Variants in LMBR1L observed in about 807,000 individuals in gnomAD.
LMBR1L encodes protein LMBR1L.
LMBR1L carries 47 observed loss-of-function variants against 67.3 expected under a neutral mutation model. The ratio of observed to expected loss-of-function variants is 0.70; its 90% CI spans 0.55 to 0.89. LMBR1L has a LOEUF of 0.89. Ranked by LOEUF, LMBR1L falls within the 40% of genes least tolerant of loss-of-function variation. The pLI is 0.00. For missense variants in LMBR1L, 533 were observed against 599.2 expected (o/e 0.89, Z 1.15); for synonymous variants, 247 against 250.3 (o/e 0.99, Z 0.13).
rs1196038462 is a variant in LMBR1L, at chr12:49,110,229, TGGGA to T, written c.72+251_72+254del. The T allele has an allele frequency of 1.1e-4, 25 of 236,642 alleles. 1 individual carries two copies. Among genetic ancestry groups the T allele is most frequent in the South Asian group, 7.1e-4 (5 of 7,046 alleles). 14.7% of individuals were successfully genotyped at this position (236,642 alleles called of 1,614,324 possible). Reference sequence around the variant, plus strand: ...ACAGGAAGACGCGCTGGGTGAGGGGTGGGAGGGAGGGGCAGGGGAGGGGCGTGTG... The same window carrying T: ...ACAGGAAGACGCGCTGGGTGAGGGGTGGGAGGGGCAGGGGAGGGGCGTGTG... On this transcript the variant is annotated intron_variant, in intron 1 of 16. Transcript: ENST00000267102.
At chr12:49,108,530 C>A (rs1312069703) in intron 1 of LMBR1L, among the ~76,000 whole-genome samples, 2 of 145,888 alleles carry the variant, frequency 1.4e-5, no homozygotes, top group Non-Finnish European at 3.0e-5. Flanking sequence ...CCACTGCACT[C>A]CAGCTCTGGC....
At position 49,097,952 on chromosome 12, in the gene LMBR1L, C is replaced by G. The variant is rs548468724; in HGVS notation, c.1394G>C (p.Arg465Pro). 6.2e-7 allele frequency: 1 copy of G among 1,611,648 alleles called. No individual in the cohort carries two copies. The highest frequency in any genetic ancestry group is 8.5e-7 in the Non-Finnish European group (1 of 1,178,040). The change falls in exon 16 of 17, where the codon CGG (arginine) becomes CCG (proline). Residue 465 changes from arginine to proline, a missense_variant. This residue lies in a region of LMBR1L where 223 missense variants were observed against 241.2 expected (regional missense o/e 0.92). Transcript: ENST00000267102. Reference sequence around the variant, plus strand: ...CCCTCACTCCCTCTCACCAAAGGCCCGGATCAGCTCTGCCCGCACAGCTGC... The same window carrying G: ...CCCTCACTCCCTCTCACCAAAGGCCGGGATCAGCTCTGCCCGCACAGCTGC... ...FTAAVRAELI[R>P]AFGLDRLPLP...
intron 3 of LMBR1L, 97 bp downstream of exon 3, chr12:49,105,827 T>C: frequency 1.0e-6 from 1 of 976,990 alleles, no homozygotes; most frequent in Middle Eastern, 2.2e-4. Flanking sequence ...CTCTCTTCAC[T>C]GTGTGAGACT....
In LMBR1L at chr12:49,109,867, G is replaced by A. The variant is rs940946418; in HGVS notation, c.72+617C>T. On this transcript the variant is annotated intron_variant, in intron 1 of 16. Coordinates refer to ENST00000267102, the MANE Select transcript of LMBR1L (RefSeq NM_018113.4). ...TGGGGAAACCCCGGAATGGCTGAGA[G>A]GCTGGGAACCCAGCCTTGCAGGGTT... 2.0e-5 allele frequency: 8 copies of A among 406,876 alleles called. No individual in the cohort carries two copies. The East Asian group carries it at 5.0e-4, about 26-fold the overall frequency. 25.2% of individuals were successfully genotyped at this position (406,876 alleles called of 1,614,324 possible). A position where few individuals can be genotyped will look rare whatever the true frequency, so the allele number is the denominator to read the frequency against.
intron 1 of LMBR1L, among the ~76,000 whole-genome samples, chr12:49,108,808 A>C (rs1941225634): frequency 6.6e-6 from 1 of 152,204 alleles, no homozygotes; most frequent in African/African-American, 2.4e-5. Context: ...AGATAGGCCA[A>C]GAATACAAGA....
intron 13 of LMBR1L, chr12:49,100,912 A>G: frequency 1.8e-6 from 1 of 544,272 alleles, no homozygotes; most frequent in Non-Finnish European, 3.2e-6. Flanking sequence ...TACTTTTTGT[A>G]GAGGCCGGGT....
In LMBR1L at chr12:49,102,902, C is replaced by T; in HGVS notation, c.681G>A (p.Leu227=). 6.2e-7 allele frequency: 1 copy of T among 1,614,158 alleles called. No individual in the cohort carries two copies. Among genetic ancestry groups the T allele is most frequent in the Middle Eastern group, 1.6e-4 (1 of 6,062 alleles). The change falls in exon 8 of 17, where the codon CTG becomes CTA. Residue 227 remains leucine, a synonymous_variant. Coordinates refer to ENST00000267102, the MANE Select transcript of LMBR1L (RefSeq NM_018113.4). The stretch of plus-strand genomic sequence containing the variant: ...TACCACATACCCGGGGCTTGACTAG[C>T]AGCTTCCCAGTGACGGAGAACATGC... ...LARMFSVTGK[L]LVKPRLLEDL...
rs575546484 is a variant in LMBR1L at position 49,110,258 on chromosome 12, G to C, written c.72+226C>G. On this transcript the variant is annotated intron_variant, in intron 1 of 16. Coordinates refer to ENST00000267102, the MANE Select transcript of LMBR1L (RefSeq NM_018113.4). Reference sequence around the variant, plus strand: ...AGGGAGGGGCAGGGGAGGGGCGTGTGGGGGAGGAACGGAAACGACGGCCTT... The same window carrying C: ...AGGGAGGGGCAGGGGAGGGGCGTGTCGGGGAGGAACGGAAACGACGGCCTT... 7.7e-5 allele frequency: 46 copies of C among 595,006 alleles called. 1 individual carries two copies. In the South Asian group the frequency reaches 8.4e-4, roughly 11 times the overall value. The allele number at this position is 595,006 out of a possible 1,614,324, so 36.9% of individuals were successfully genotyped here.
chr12:49,107,921 G>A (rs1941101513), intron 1 of LMBR1L, among the ~76,000 whole-genome samples: 1 of 152,166 alleles, frequency 6.6e-6, no homozygotes, highest in Admixed American at 6.5e-5. Context: ...TTGAGGTCAG[G>A]AGTTCAAGAC....
At chr12:49,110,362 C>A (rs958989906) in intron 1 of LMBR1L, 122 bp downstream of exon 1, 10 of 899,388 alleles carry the variant, frequency 1.1e-5, no homozygotes, top group Non-Finnish European at 1.8e-5. Flanking sequence ...CGGACGGAGG[C>A]CTCCGTCGCC....
rs947414387 is a variant in LMBR1L at position 49,110,399 on chromosome 12, G to C, written c.72+85C>G. The stretch of plus-strand genomic sequence containing the variant: ...GCCGCTGGCCCAGGCATGGTTTGAC[G>C]GCACTCTGAGACCAGGTGGGCTCGG... On this transcript the variant is annotated intron_variant, in intron 1 of 16. Transcript: ENST00000267102. 7 of 1,319,226 alleles carry C rather than the reference G, an allele frequency of 5.3e-6. No homozygotes were observed. The Admixed American group carries it at 6.7e-5, about 13-fold the overall frequency. The allele number at this position is 1,319,226 out of a possible 1,614,324, so 81.7% of individuals were successfully genotyped here. A position where few individuals can be genotyped will look rare whatever the true frequency, so the allele number is the denominator to read the frequency against.
chr12:49,107,105 A>T (rs1941004744), intron 1 of LMBR1L, 60 bp from the exon 2 acceptor site: 1 of 1,127,448 alleles, frequency 8.9e-7, no homozygotes, highest in Non-Finnish European at 1.3e-6. Flanking sequence ...CCACAGCCCC[A>T]AGGGCCTCTC....
chr12:49,104,332 G>A, intron 5 of LMBR1L, 116 bp downstream of exon 5: 2 of 784,766 alleles, frequency 2.5e-6, no homozygotes, highest in South Asian at 3.3e-5. Context: ...ACTGTCACTA[G>A]AGCCTCAAAC....
intron 1 of LMBR1L, among the ~76,000 whole-genome samples, chr12:49,109,241 G>A (rs1941268697): frequency 6.6e-6 from 1 of 152,066 alleles, no homozygotes; most frequent in Non-Finnish European, 1.5e-5. Flanking sequence ...TCTGTCCAAG[G>A]TCTCATCCCT....
intron 4 of LMBR1L, 72 bp downstream of exon 4, chr12:49,104,674 C>A: frequency 5.6e-6 from 9 of 1,600,084 alleles, no homozygotes; most frequent in Non-Finnish European, 7.7e-6. Flanking sequence ...CGCACGGCTG[C>A]CTGAGTCCAC....
At chr12:49,104,644 T>C in intron 4 of LMBR1L, 93 bp from the exon 5 acceptor site, 1 of 1,573,302 alleles carries the variant, frequency 6.4e-7, no homozygotes, top group Non-Finnish European at 8.7e-7. Context: ...AGTGGGAAGG[T>C]GCGACATATG....
At chr12:49,107,232 G>T (rs1198501070) in intron 1 of LMBR1L, among the ~76,000 whole-genome samples, 187 bp from the exon 2 acceptor site, 2 of 152,168 alleles carry the variant, frequency 1.3e-5, no homozygotes, top group Non-Finnish European at 2.9e-5. Flanking sequence ...GGCCCCAGGG[G>T]CCTCAAAGAA....
chr12:49,100,867 G>A (rs1592203506), intron 13 of LMBR1L: 2 of 575,314 alleles, frequency 3.5e-6, no homozygotes, highest in East Asian at 6.0e-5. Flanking sequence ...AGCTGGGAAT[G>A]CAAGCACGCA....
intron 1 of LMBR1L, among the ~76,000 whole-genome samples, chr12:49,108,640 A>G (rs1305961531): frequency 1.3e-5 from 2 of 151,606 alleles, no homozygotes; most frequent in Non-Finnish European, 2.9e-5. Context: ...AGGCTGAGGT[A>G]CAAGAATCAC....
Sources: gnomAD v4.1 joint callset for allele counts (sites outside exome capture counted in the v4.1 genomes callset) on GRCh38, gnomAD v4.1.1 for gene constraint, gnomAD v4.1.1 regional missense constraint, MANE v1.5 for transcripts, NCBI Gene and HGNC (gene_info 2026-07-23, HGNC 2026-07-21) for gene names.